Variants in TMEM123 observed in about 807,000 individuals in gnomAD.
TMEM123 encodes porimin.
TMEM123 carries 16 observed loss-of-function variants against 19.7 expected under a neutral mutation model. The ratio of observed to expected loss-of-function variants is 0.81; its 90% CI spans 0.55 to 1.23. The LOEUF is 1.23. Ranked by LOEUF, TMEM123 falls within the 50% of genes most tolerant of loss-of-function variation. The pLI, the probability that TMEM123 is intolerant of heterozygous loss-of-function variation, is 0.00. For synonymous variants in TMEM123, 118 were observed against 99.4 expected (o/e 1.19, Z -1.12); for missense variants, 313 against 257.8 (o/e 1.21, Z -1.47).
chr11:102,402,470 G>A (rs1211317120), intron 2 of TMEM123, among the ~76,000 whole-genome samples: 1 of 151,196 alleles, frequency 6.6e-6, no homozygotes, highest in Non-Finnish European at 1.5e-5. Context: ...CAACCCAGAA[G>A]ACAGAGTTCC....
At chr11:102,412,607 C>T (rs1207654336) in intron 2 of TMEM123, among the ~76,000 whole-genome samples, 1 of 151,792 alleles carries the variant, frequency 6.6e-6, no homozygotes, top group African/African-American at 2.4e-5. Flanking sequence ...AAAAAGATAA[C>T]AACTCTATTA....
At chr11:102,445,526 A>C (rs2135865896) in intron 2 of TMEM123, among the ~76,000 whole-genome samples, 1 of 152,350 alleles carries the variant, frequency 6.6e-6, no homozygotes, top group Middle Eastern at 3.4e-3. Flanking sequence ...TTCACACATA[A>C]AACATTTTAT....
At chr11:102,429,829 G>A (rs574516649) in intron 2 of TMEM123, among the ~76,000 whole-genome samples, 1 of 152,156 alleles carries the variant, frequency 6.6e-6, no homozygotes, top group Non-Finnish European at 1.5e-5. Context: ...TCACAACACC[G>A]CTTTCCTGTG....
At chr11:102,421,314 G>GA (rs1244410308) in intron 2 of TMEM123, among the ~76,000 whole-genome samples, 1 of 152,086 alleles carries the variant, frequency 6.6e-6, no homozygotes, top group East Asian at 1.9e-4. Context: ...TAAAATGTGT[G>GA]AAAAAACACA....
chr11:102,437,991 G>A (rs1935997397), intron 2 of TMEM123, among the ~76,000 whole-genome samples: 2 of 152,070 alleles, frequency 1.3e-5, no homozygotes, highest in African/African-American at 4.8e-5. Context: ...GCCCTTCCTA[G>A]TCACTTTTTT....
intron 2 of TMEM123, among the ~76,000 whole-genome samples, chr11:102,435,041 C>T (rs75495275): frequency 0.042 from 6,410 of 151,844 alleles, 276 homozygotes; most frequent in Non-Finnish European, 0.067. Context: ...TACTTTGCTT[C>T]CAGAATTTCT....
intron 2 of TMEM123, among the ~76,000 whole-genome samples, chr11:102,412,604 TAAC>T (rs1216681631): frequency 2.6e-5 from 4 of 152,078 alleles, no homozygotes; most frequent in East Asian, 3.8e-4. Context: ...AAAAAAAAGA[TAAC>T]AACTCTATTA....
chr11:102,441,659 CA>C (rs1433729249), intron 2 of TMEM123, among the ~76,000 whole-genome samples: 4 of 150,360 alleles, frequency 2.7e-5, no homozygotes, highest in Admixed American at 2.0e-4. Context: ...CAAACACATT[CA>C]AAAGCTAGCA....
At chr11:102,405,958 T>C (rs980963720) in intron 2 of TMEM123, among the ~76,000 whole-genome samples, 5 of 152,238 alleles carry the variant, frequency 3.3e-5, no homozygotes, top group Admixed American at 6.5e-5. Context: ...CAAATTCACA[T>C]TGGATGACCC....
At chr11:102,431,591 T>A (rs1411451357) in intron 2 of TMEM123, among the ~76,000 whole-genome samples, 1 of 152,214 alleles carries the variant, frequency 6.6e-6, no homozygotes, top group East Asian at 1.9e-4. Flanking sequence ...TCTCTGCAGT[T>A]CCATCCATGT....
At chr11:102,444,796 TA>T (rs1857864770) in intron 2 of TMEM123, among the ~76,000 whole-genome samples, 2 of 151,576 alleles carry the variant, frequency 1.3e-5, no homozygotes, top group South Asian at 4.2e-4. Flanking sequence ...TAGACTGGAT[TA>T]AGAAAATGTG....
intron 2 of TMEM123, among the ~76,000 whole-genome samples, chr11:102,438,050 T>G (rs911272140): frequency 6.6e-6 from 1 of 151,836 alleles, no homozygotes; most frequent in Non-Finnish European, 1.5e-5. Flanking sequence ...TTTACCCTGT[T>G]TATTTATTAT....
intron 2 of TMEM123, among the ~76,000 whole-genome samples, chr11:102,406,540 A>G (rs966491802): frequency 1.3e-5 from 2 of 152,188 alleles, no homozygotes; most frequent in Non-Finnish European, 2.9e-5. Context: ...GACCAAATCA[A>G]ACTCCATGGA....
intron 2 of TMEM123, among the ~76,000 whole-genome samples, chr11:102,411,117 C>T (rs750012593): frequency 2.0e-5 from 3 of 152,148 alleles, no homozygotes; most frequent in Non-Finnish European, 2.9e-5. Context: ...ACTGCCATAG[C>T]ATAGGGCCCA....
At chr11:102,420,294 A>G (rs1006721940) in intron 2 of TMEM123, among the ~76,000 whole-genome samples, 1 of 152,140 alleles carries the variant, frequency 6.6e-6, no homozygotes, top group Non-Finnish European at 1.5e-5. Context: ...ATCAGTTTGT[A>G]TTACTAACGT....
At chr11:102,407,829 T>C (rs1951969212) in intron 2 of TMEM123, among the ~76,000 whole-genome samples, 1 of 152,206 alleles carries the variant, frequency 6.6e-6, no homozygotes, top group African/African-American at 2.4e-5. Context: ...CCTCCCGAAC[T>C]GTGAGACAAT....
Position 102,435,464 on chromosome 11 carries a change from T to C in TMEM123, c.157+13348A>G, listed in dbSNP as rs190884043. Among the ~76,000 whole-genome samples, 6 of 151,802 alleles carry C rather than the reference T, an allele frequency of 4.0e-5. No individual in the cohort carries two copies. In the East Asian group the frequency reaches 5.8e-4, roughly 15 times the overall value. ...AGGACTGGTGAGGATATGAAGAAAA[T>C]AAAACCCTTATACACTGCTGGTGTG... On this transcript the variant is annotated intron_variant, in intron 2 of 4. Transcript: ENST00000398136.
chr11:102,401,695 A>C lies in TMEM123; in HGVS notation c.449-3T>G. Reference sequence around the variant, plus strand: ...TTCAGAATGCATAGTTGTTGTGACTAGAACAAAAGAAAACAAAAAAGGGCT... The same window carrying C: ...TTCAGAATGCATAGTTGTTGTGACTCGAACAAAAGAAAACAAAAAAGGGCT... On this transcript the variant is annotated splice_polypyrimidine_tract_variant and splice_region_variant and intron_variant, in intron 3 of 4. Transcript: ENST00000398136. The C allele has an allele frequency of 6.4e-7, 1 of 1,572,424 alleles. No homozygotes were observed. Among genetic ancestry groups the C allele is most frequent in the Non-Finnish European group, 8.6e-7 (1 of 1,169,454 alleles).
At chr11:102,421,028 CAG>C (rs1952081571) in intron 2 of TMEM123, among the ~76,000 whole-genome samples, 1 of 152,132 alleles carries the variant, frequency 6.6e-6, no homozygotes, top group East Asian at 1.9e-4. Context: ...GCCTGGGTGA[CAG>C]AGCAAGACTC....
Sources: gnomAD v4.1 joint callset for allele counts (sites outside exome capture counted in the v4.1 genomes callset) on GRCh38, gnomAD v4.1.1 for gene constraint, MANE v1.5 for transcripts, NCBI Gene and HGNC (gene_info 2026-07-23, HGNC 2026-07-21) for gene names.